Variants in TCP11L1 observed in about 807,000 individuals in gnomAD.
TCP11L1 encodes t-complex 11 like 1, also known as T-complex protein 11-like protein 1.
In TCP11L1, 28 loss-of-function variants were observed where a neutral mutation model predicts 48.9. That is an observed-to-expected ratio of 0.57 (90% CI 0.42 to 0.78). TCP11L1 has a LOEUF of 0.78. Among genes scored for constraint, TCP11L1 ranks in the 30% least tolerant of loss-of-function variants. The pLI is 0.00. For synonymous variants in TCP11L1, 204 were observed against 231.9 expected (o/e 0.88, Z 1.09); for missense variants, 505 against 613.4 (o/e 0.82, Z 1.87).
intron 9 of TCP11L1, 117 bp downstream of exon 9, chr11:33,068,976 G>A (rs574119857): frequency 1.8e-5 from 23 of 1,305,176 alleles, no homozygotes; most frequent in Non-Finnish European, 2.3e-5. Flanking sequence ...TGAGGAGATG[G>A]TGTAATGAAG....
intron 8 of TCP11L1, 130 bp from the exon 9 acceptor site, chr11:33,068,557 G>T: frequency 8.8e-7 from 1 of 1,139,566 alleles, no homozygotes; most frequent in East Asian, 2.4e-5. Flanking sequence ...GCAGGGAAAA[G>T]AGTCTCAAAT....
At chr11:33,068,176 G>A (rs1854674190) in intron 8 of TCP11L1, among the ~76,000 whole-genome samples, 1 of 152,128 alleles carries the variant, frequency 6.6e-6, no homozygotes, top group South Asian at 2.1e-4. Flanking sequence ...ATCTGCCTTG[G>A]CCTCCCAAAG....
At chr11:33,047,385 ATG>A (rs1383486838) in intron 2 of TCP11L1, among the ~76,000 whole-genome samples, 1 of 152,206 alleles carries the variant, frequency 6.6e-6, no homozygotes, top group African/African-American at 2.4e-5. Flanking sequence ...TAACTTAACA[ATG>A]TTTTCTCTAA....
At position 33,043,383 on chromosome 11, in the gene TCP11L1, A is replaced by G. The variant is rs1048820950; in HGVS notation, c.-24-367A>G. Among the ~76,000 whole-genome samples the G allele has an allele frequency of 2.0e-5, 3 of 152,348 alleles. No individual in the cohort carries two copies. The South Asian group carries it at 6.2e-4, about 32-fold the overall frequency. ...GGAGTTTACCTATCTGCTCTTAGGA[A>G]TGAAAGTAAAGAATTTAAGATTGAA... On this transcript the variant is annotated intron_variant, in intron 1 of 9. Coordinates refer to ENST00000334274, the MANE Select transcript of TCP11L1 (RefSeq NM_018393.4).
At chr11:33,045,286 G>C (rs929141029) in intron 2 of TCP11L1, among the ~76,000 whole-genome samples, 6 of 151,460 alleles carry the variant, frequency 4.0e-5, no homozygotes, top group African/African-American at 1.5e-4. Context: ...CTGGGAGGTG[G>C]AGGCTGCAGT....
intron 7 of TCP11L1, among the ~76,000 whole-genome samples, chr11:33,065,407 G>A (rs933941344): frequency 3.3e-5 from 5 of 152,132 alleles, no homozygotes; most frequent in Admixed American, 3.3e-4. Context: ...GGTATTATAG[G>A]CATGCACCAC....
intron 7 of TCP11L1, among the ~76,000 whole-genome samples, chr11:33,064,616 T>C (rs1433844874): frequency 6.6e-6 from 1 of 152,196 alleles, no homozygotes; most frequent in Non-Finnish European, 1.5e-5. Flanking sequence ...GGCTTTAGAT[T>C]GTTCTCTGTC....
chr11:33,048,010 A>G (rs1439775575), intron 2 of TCP11L1, among the ~76,000 whole-genome samples: 1 of 152,142 alleles, frequency 6.6e-6, no homozygotes, highest in Non-Finnish European at 1.5e-5. Context: ...ACTTCATTTT[A>G]TTTTGGAATC....
At chr11:33,041,704 C>T (rs1002981999) in intron 1 of TCP11L1, among the ~76,000 whole-genome samples, 1 of 151,432 alleles carries the variant, frequency 6.6e-6, no homozygotes, top group Non-Finnish European at 1.5e-5. Context: ...TGAGCTGAGC[C>T]GAGATGGTGC....
rs909179177 is a variant in TCP11L1 at position 33,072,578 on chromosome 11, G to A, written c.1432G>A (p.Glu478Lys). The A allele has an allele frequency of 4.3e-6, 7 of 1,614,020 alleles. No individual in the cohort carries two copies. Among genetic ancestry groups the A allele is most frequent in the Admixed American group, 1.7e-5 (1 of 59,998 alleles). ...CAGTCCAGTTCAGAGAGAGCTGGAG[G>A]AAGTTGCTATTAAATTTGCTCGCCT... ...GLSPVQRELE[E>K]VAIKFARLVN... is the part of the protein sequence containing the mutation. Residue 478 changes from glutamate (E) to lysine (K), a missense_variant, in exon 10 of 10, where the codon GAA becomes AAA. This residue lies in a region of TCP11L1 where 335 missense variants were observed against 413.3 expected (regional missense o/e 0.81). Transcript: ENST00000334274.
intron 2 of TCP11L1, among the ~76,000 whole-genome samples, chr11:33,047,966 G>A (rs572741657): frequency 3.3e-5 from 5 of 152,286 alleles, no homozygotes; most frequent in African/African-American, 7.2e-5. Context: ...GGACACCTTA[G>A]TAAAGATAGA....
intron 3 of TCP11L1, among the ~76,000 whole-genome samples, chr11:33,056,883 G>T (rs1363748812): frequency 6.6e-6 from 1 of 152,116 alleles, no homozygotes; most frequent in Non-Finnish European, 1.5e-5. Flanking sequence ...ATTAATGTTG[G>T]CTATCCAGTT....
intron 7 of TCP11L1, among the ~76,000 whole-genome samples, chr11:33,064,177 TG>T (rs942176060): frequency 6.6e-6 from 1 of 152,066 alleles, no homozygotes; most frequent in Non-Finnish European, 1.5e-5. Flanking sequence ...AGAAACGCTG[TG>T]GGGAAGATGG....
intron 1 of TCP11L1, among the ~76,000 whole-genome samples, chr11:33,041,767 C>CA (rs928910818): frequency 1.3e-5 from 2 of 150,448 alleles, no homozygotes; most frequent in African/African-American, 2.5e-5. Flanking sequence ...AAAAAAAAAA[C>CA]AAAAAAACAG....
Position 33,058,157 on chromosome 11 carries a change from T to C in TCP11L1, c.638+18T>C, listed in dbSNP as rs1854364915. ...CTTTTCAGGTATGGAAATATGTTAA[T>C]CATACTCCGTGCAACTACAATTCAG... On this transcript the variant is annotated intron_variant, in intron 5 of 9. Transcript: ENST00000334274. 3 of 1,590,036 alleles carry C rather than the reference T, an allele frequency of 1.9e-6. No individual in the cohort carries two copies. The South Asian group carries it at 3.4e-5, about 18-fold the overall frequency.
chr11:33,063,923 G>C (rs1373644590), intron 7 of TCP11L1, among the ~76,000 whole-genome samples: 2 of 152,126 alleles, frequency 1.3e-5, no homozygotes, highest in East Asian at 3.8e-4. Flanking sequence ...GTTCTCTTCT[G>C]GAGGGAAGTT....
intron 6 of TCP11L1, among the ~76,000 whole-genome samples, chr11:33,061,011 A>G (rs1854450799): frequency 6.6e-6 from 1 of 152,218 alleles, no homozygotes; most frequent in Non-Finnish European, 1.5e-5. Flanking sequence ...GCTGGAGTAC[A>G]GTGGTGTGAT....
chr11:33,049,396 G>A (rs1266956003), intron 2 of TCP11L1, among the ~76,000 whole-genome samples: 2 of 152,136 alleles, frequency 1.3e-5, no homozygotes, highest in Admixed American at 1.3e-4. Context: ...CATGTGGGAC[G>A]AGAGACTGAG....
intron 9 of TCP11L1, among the ~76,000 whole-genome samples, chr11:33,072,185 C>T (rs1262725885): frequency 6.6e-6 from 1 of 152,148 alleles, no homozygotes; most frequent in African/African-American, 2.4e-5. Context: ...GTTTGAGCTT[C>T]TCCTGGGAGC....
Sources: gnomAD v4.1 joint callset for allele counts (sites outside exome capture counted in the v4.1 genomes callset) on GRCh38, gnomAD v4.1.1 for gene constraint, gnomAD v4.1.1 regional missense constraint, MANE v1.5 for transcripts, NCBI Gene and HGNC (gene_info 2026-07-23, HGNC 2026-07-21) for gene names.